The following ZFAND3 variants were observed in gnomAD, a reference collection of about 807,000 sequenced individuals.
ZFAND3 encodes the protein zinc finger AN1-type containing 3.
A neutral mutation model predicts 29.6 loss-of-function variants in ZFAND3; 10 were observed. The ratio of observed to expected loss-of-function variants is 0.34; its 90% CI spans 0.21 to 0.57. The LOEUF is 0.57. Among genes scored for constraint, ZFAND3 ranks in the 20% least tolerant of loss-of-function variants. ZFAND3 has a pLI of 0.86. For synonymous variants in ZFAND3, 128 were observed against 112.6 expected, an observed-to-expected ratio of 1.14 and a Z score of -0.87; for missense variants, 230 against 304.5, an observed-to-expected ratio of 0.76 and a Z score of 1.82.
At chr6:37,930,794 G>A (rs1045959205) in intron 2 of ZFAND3, among the ~76,000 whole-genome samples, 3 of 152,060 alleles carry the variant, frequency 2.0e-5, no homozygotes, top group African/African-American at 4.8e-5. Flanking sequence ...TTGCTAATTA[G>A]GATATGTTTA....
rs371171680 is a variant in ZFAND3 at position 38,103,721 on chromosome 6, C to T, written c.362-12851C>T. 1.5e-3 allele frequency among the ~76,000 whole-genome samples: 230 copies of T among 152,232 alleles called. 1 individual carries two copies. The highest frequency in any genetic ancestry group is 5.4e-3 in the African/African-American group (224 of 41,528). Reference sequence around the variant, plus strand: ...TTGAATTCTTATGGTTATAGACTGACTTGGGGCCAAGGAACAGATTAAAAT... The same window carrying T: ...TTGAATTCTTATGGTTATAGACTGATTTGGGGCCAAGGAACAGATTAAAAT... On this transcript the variant is annotated intron_variant, in intron 4 of 5. Transcript: ENST00000287218.
intron 1 of ZFAND3, chr6:37,833,269 A>G (rs1314706588): frequency 6.6e-6 from 1 of 152,174 alleles, no homozygotes; most frequent in Non-Finnish European, 1.5e-5. Context: ...GTGTATAGCT[A>G]AATGAATTTT....
chr6:38,120,221 C>T (rs930597752), intron 5 of ZFAND3, among the ~76,000 whole-genome samples: 1 of 150,006 alleles, frequency 6.7e-6, no homozygotes, highest in Non-Finnish European at 1.5e-5. Context: ...GGATGTTCTT[C>T]TGCAATCTGG....
chr6:38,050,247 G>A (rs1333560199), intron 2 of ZFAND3, among the ~76,000 whole-genome samples: 1 of 151,956 alleles, frequency 6.6e-6, no homozygotes, highest in Non-Finnish European at 1.5e-5. Context: ...GAGTCACCGT[G>A]CCTGGCCAAG....
chr6:37,851,311 G>A lies in ZFAND3; in HGVS notation c.71+31295G>A, dbSNP rs79152522. On this transcript the variant is annotated intron_variant, in intron 1 of 5. Coordinates refer to ENST00000287218, the MANE Select transcript of ZFAND3 (RefSeq NM_021943.3). ...CATTGATCTGTTGCCTCTTACTAGA[G>A]CTTCTTGTTGGATTCCAGTTTTTTC... Among the ~76,000 whole-genome samples, 14 of 151,964 alleles carry A rather than the reference G, an allele frequency of 9.2e-5. No homozygotes were observed. In the East Asian group the frequency reaches 2.7e-3, roughly 29 times the overall value.
At chr6:37,851,041 C>T (rs1764270404) in intron 1 of ZFAND3, among the ~76,000 whole-genome samples, 1 of 150,382 alleles carries the variant, frequency 6.6e-6, no homozygotes, top group African/African-American at 2.5e-5. Flanking sequence ...TGGCCTCTTG[C>T]CTCTTTTTTT....
intron 1 of ZFAND3, among the ~76,000 whole-genome samples, chr6:37,905,146 A>G (rs1025521583): frequency 6.6e-6 from 1 of 152,064 alleles, no homozygotes; most frequent in African/African-American, 2.4e-5. Context: ...TAAATCCTAT[A>G]CTCTTGTACT....
intron 2 of ZFAND3, among the ~76,000 whole-genome samples, chr6:37,978,470 C>A (rs1762526343): frequency 6.6e-6 from 1 of 152,014 alleles, no homozygotes; most frequent in Non-Finnish European, 1.5e-5. Flanking sequence ...TATTCCCTTC[C>A]TCTTTAATTT....
chr6:37,929,797 G>A (rs1468143333), intron 1 of ZFAND3, among the ~76,000 whole-genome samples, 162 bp from the exon 2 acceptor site: 2 of 151,026 alleles, frequency 1.3e-5, no homozygotes, highest in African/African-American at 4.9e-5. Flanking sequence ...TGTTGAGGGG[G>A]GAGTGGTGGC....
intron 2 of ZFAND3, among the ~76,000 whole-genome samples, chr6:38,013,244 A>G (rs1763192457): frequency 6.6e-6 from 1 of 152,176 alleles, no homozygotes; most frequent in Non-Finnish European, 1.5e-5. Flanking sequence ...TCATTCGCTA[A>G]CATTTTTGTG....
chr6:38,144,192 T>TAATATATATATATATA (rs1468941625), intron 5 of ZFAND3, among the ~76,000 whole-genome samples: 1 of 40,816 alleles, frequency 2.5e-5, no homozygotes, highest in African/African-American at 1.4e-4. Flanking sequence ...ATAATATATA[T>TAATATATATATATATA]ATATATATAT....
chr6:37,983,474 C>T (rs1303123009), intron 2 of ZFAND3, among the ~76,000 whole-genome samples: 1 of 149,784 alleles, frequency 6.7e-6, no homozygotes, highest in Non-Finnish European at 1.5e-5. Context: ...CTCCTCCTGC[C>T]TCAGCCTCCC....
At chr6:38,076,041 C>T (rs1764547551) in intron 3 of ZFAND3, among the ~76,000 whole-genome samples, 1 of 152,118 alleles carries the variant, frequency 6.6e-6, no homozygotes, top group Admixed American at 6.5e-5. Context: ...TGTGAGCCAC[C>T]GATCCCGGCC....
chr6:38,070,469 T>G (rs1764430538), intron 3 of ZFAND3, among the ~76,000 whole-genome samples: 1 of 151,000 alleles, frequency 6.6e-6, no homozygotes. Flanking sequence ...CTGTATATAT[T>G]GTTTTATAAC....
At chr6:38,104,424 G>T (rs1345567024) in intron 4 of ZFAND3, among the ~76,000 whole-genome samples, 1 of 151,672 alleles carries the variant, frequency 6.6e-6, no homozygotes, top group Non-Finnish European at 1.5e-5. Flanking sequence ...AAATACCTAG[G>T]TTTTCTTGTG....
intron 1 of ZFAND3, among the ~76,000 whole-genome samples, chr6:37,882,287 A>G (rs762648396): frequency 2.4e-4 from 37 of 152,286 alleles, no homozygotes; most frequent in Admixed American, 2.0e-3. Flanking sequence ...AGACCACACG[A>G]AGCCCCTCCC....
intron 1 of ZFAND3, among the ~76,000 whole-genome samples, chr6:37,895,432 T>G (rs1765181968): frequency 6.6e-6 from 1 of 150,728 alleles, no homozygotes; most frequent in African/African-American, 2.4e-5. Context: ...CCTTCTGGGT[T>G]CAAGTGATTC....
intron 2 of ZFAND3, among the ~76,000 whole-genome samples, chr6:37,999,754 T>C (rs1762912189): frequency 6.6e-6 from 1 of 152,102 alleles, no homozygotes; most frequent in Non-Finnish European, 1.5e-5. Context: ...GACAACTAAA[T>C]CTAATGTGGT....
chr6:37,953,595 C>T (rs1003787936), intron 2 of ZFAND3, among the ~76,000 whole-genome samples: 1 of 151,786 alleles, frequency 6.6e-6, no homozygotes. Context: ...GGGACTCAGG[C>T]ATGTGGCACC....
Sources: allele counts gnomAD v4.1 joint callset (sites outside exome capture counted in the v4.1 genomes callset), GRCh38; gene constraint gnomAD v4.1.1; transcripts MANE v1.5; gene names NCBI Gene and HGNC (gene_info 2026-07-23, HGNC 2026-07-21).